Variants in STAT4 observed in about 807,000 individuals in gnomAD.
STAT4 encodes the protein signal transducer and activator of transcription 4.
A neutral mutation model predicts 110.5 loss-of-function variants in STAT4; 42 were observed. The observed-to-expected ratio is 0.38, with a 90% CI of 0.30 to 0.49. The LOEUF (loss-of-function observed/expected upper bound fraction) is 0.49, where lower values mean the gene tolerates loss of function less well. Among genes scored for constraint, STAT4 ranks in the 20% least tolerant of loss-of-function variants. The pLI is 0.95. For missense variants in STAT4, 632 were observed against 887.9 expected (o/e 0.71, Z 3.66); for synonymous variants, 284 against 302.2 (o/e 0.94, Z 0.63).
chr2:191,079,390 A>T (rs1377355080), intron 3 of STAT4, among the ~76,000 whole-genome samples: 2 of 151,944 alleles, frequency 1.3e-5, no homozygotes, highest in Non-Finnish European at 2.9e-5. Flanking sequence ...ATAATCTTAT[A>T]TGTGTTTCAC....
rs3024868 is a variant in STAT4 at position 191,055,012 on chromosome 2, G to A, written c.1207-478C>T. Among the ~76,000 whole-genome samples, 1,298 of 152,000 alleles carry A rather than the reference G, an allele frequency of 8.5e-3. 24 individuals are homozygous for A. Among genetic ancestry groups the A allele is most frequent in the African/African-American group, 0.03 (1,230 of 41,430 alleles). On this transcript the variant is annotated intron_variant, in intron 13 of 23. Coordinates refer to ENST00000392320, the MANE Select transcript of STAT4 (RefSeq NM_003151.4). ...GAAGACTTACTGACACAAAATAAAT[G>A]TGCATTGATGTAGATTACTGAATGA...
intron 3 of STAT4, among the ~76,000 whole-genome samples, chr2:191,095,729 C>A (rs536496368): frequency 3.3e-5 from 5 of 152,110 alleles, no homozygotes; most frequent in African/African-American, 7.2e-5. Flanking sequence ...CAAACAAATT[C>A]AAAAGCTAGC....
chr2:191,050,633 T>C lies in STAT4; in HGVS notation c.1251+3857A>G, dbSNP rs1325681115. On this transcript the variant is annotated intron_variant, in intron 14 of 23. Coordinates refer to ENST00000392320, the MANE Select transcript of STAT4 (RefSeq NM_003151.4). The surrounding 1 kb of genome is among the most constrained non-coding windows in gnomAD (Gnocchi z 4.3). ...TGGTACATATTCTTGAAAGTAAACT[T>C]CCCACCAGAGTTTCCATCTGTAAAT... Among the ~76,000 whole-genome samples the C allele has an allele frequency of 2.0e-5, 3 of 152,252 alleles. No homozygotes were observed. In the East Asian group the frequency reaches 5.8e-4, roughly 29 times the overall value.
intron 5 of STAT4, among the ~76,000 whole-genome samples, chr2:191,070,367 T>G (rs1282008991): frequency 3.3e-5 from 5 of 152,190 alleles, no homozygotes; most frequent in African/African-American, 1.2e-4. Context: ...CTTTTTTATA[T>G]TATCTCCTTT....
At position 191,138,648 on chromosome 2, in the gene STAT4, A is replaced by G. The variant is rs374462058; in HGVS notation, c.273+7965T>C. Reference sequence around the variant, plus strand: ...GCCAACCAAAAAAGTCCAGGACCAGATGGATTCACAGCTGAATTCTATCAG... The same window carrying G: ...GCCAACCAAAAAAGTCCAGGACCAGGTGGATTCACAGCTGAATTCTATCAG... On this transcript the variant is annotated intron_variant, in intron 3 of 23. Coordinates refer to ENST00000392320, the MANE Select transcript of STAT4 (RefSeq NM_003151.4). The surrounding 1 kb of genome is among the most constrained non-coding windows in gnomAD (Gnocchi z 4.3). Among the ~76,000 whole-genome samples the G allele has an allele frequency of 6.6e-6, 1 of 152,184 alleles. No individual in the cohort carries two copies. Among genetic ancestry groups the G allele is most frequent in the East Asian group, 1.9e-4 (1 of 5,194 alleles).
chr2:191,125,549 G>A (rs542434289), intron 3 of STAT4, among the ~76,000 whole-genome samples: 121 of 149,310 alleles, frequency 8.1e-4, no homozygotes, highest in South Asian at 1.7e-3. Context: ...GTGCAGTGGT[G>A]CAATCGTAAC....
At position 191,066,430 on chromosome 2, in the gene STAT4, C is replaced by T. The variant is rs367890072; in HGVS notation, c.630G>A (p.Lys210=). 2 of 1,612,678 alleles carry T rather than the reference C, an allele frequency of 1.2e-6. No individual in the cohort carries two copies. Among genetic ancestry groups the T allele is most frequent in the African/African-American group, 2.7e-5 (2 of 74,878 alleles). ...EMLNSLDFKR[K]EALSKMTQII... ...GCCCAAATTAAAATTCTTCACTAAC[C>T]TTTCTCTTGAAATCGAGGCTGTTAA... is the stretch of plus-strand genomic sequence containing the variant. Residue 210 remains lysine (K), a splice_region_variant and synonymous_variant, in exon 7 of 24, where the codon AAG becomes AAA. Transcript: ENST00000392320. This position sits in a 1 kb window ranked among gnomAD's most constrained non-coding sequence, Gnocchi z 4.3.
At chr2:191,041,029 C>A in intron 15 of STAT4, 36 bp downstream of exon 15, 1 of 1,322,270 alleles carries the variant, frequency 7.6e-7, no homozygotes, top group Non-Finnish European at 9.9e-7. Flanking sequence ...CTTGCAAATG[C>A]CATTAGTAAA....
chr2:191,119,667 T>C (rs1013826187), intron 3 of STAT4, among the ~76,000 whole-genome samples: 8 of 152,340 alleles, frequency 5.3e-5, no homozygotes, highest in Non-Finnish European at 8.8e-5. Flanking sequence ...GTTGAAATTG[T>C]CAAGCTACTA....
intron 5 of STAT4, among the ~76,000 whole-genome samples, chr2:191,071,779 A>G (rs1180384145): frequency 1.3e-5 from 2 of 152,246 alleles, no homozygotes; most frequent in Admixed American, 1.3e-4. Flanking sequence ...TCCTGGAATC[A>G]GGCCCTGGGA....
In STAT4 at chr2:191,059,402, C is replaced by G. The variant is rs1696788938; in HGVS notation, c.1035-633G>C. Among the ~76,000 whole-genome samples the G allele has an allele frequency of 6.6e-6, 1 of 152,326 alleles. No individual in the cohort carries two copies. Among genetic ancestry groups the G allele is most frequent in the South Asian group, 2.1e-4 (1 of 4,830 alleles). On this transcript the variant is annotated intron_variant, in intron 10 of 23. Transcript: ENST00000392320. The surrounding 1 kb of genome is among the most constrained non-coding windows in gnomAD (Gnocchi z 4.7). The stretch of plus-strand genomic sequence containing the variant: ...TCCTTTATTCTTTTGCTTTCTCCAG[C>G]TCCTCAGATTTCTGTCCTGTGATGT...
At position 191,143,967 on chromosome 2, in the gene STAT4, A is replaced by T. The variant is rs1306741102; in HGVS notation, c.273+2646T>A. 6.6e-6 allele frequency among the ~76,000 whole-genome samples: 1 copy of T among 152,246 alleles called. No individual in the cohort carries two copies. The highest frequency in any genetic ancestry group is 6.5e-5 in the Admixed American group (1 of 15,284). ...ACCATAGCTGACAATGATTTTTACT[A>T]CTAGCTTCTGTGTTGTTAATACAAA... On this transcript the variant is annotated intron_variant, in intron 3 of 23. Transcript: ENST00000392320. This position sits in a 1 kb window ranked among gnomAD's most constrained non-coding sequence, Gnocchi z 5.6.
At chr2:191,148,759 A>G (rs1022381477) in intron 1 of STAT4, among the ~76,000 whole-genome samples, 1 of 152,162 alleles carries the variant, frequency 6.6e-6, no homozygotes, top group Non-Finnish European at 1.5e-5. Flanking sequence ...TCTTAGCTTC[A>G]TGAAGAATTT....
In STAT4 at chr2:191,031,879, T is replaced by C. The variant is rs755917647; in HGVS notation, c.2045-363A>G. ...GGGAGATATAATAACCCAGTTCTTTTCATTAAAATTGACACCAATCAGAAT... is the reference window on the plus strand; with the variant it reads ...GGGAGATATAATAACCCAGTTCTTTCCATTAAAATTGACACCAATCAGAAT... On this transcript the variant is annotated intron_variant, in intron 21 of 23. Transcript: ENST00000392320. The surrounding 1 kb of genome is among the most constrained non-coding windows in gnomAD (Gnocchi z 4.8). Among the ~76,000 whole-genome samples the C allele has an allele frequency of 2.7e-4, 41 of 152,218 alleles. No individual in the cohort carries two copies. The highest frequency in any genetic ancestry group is 5.9e-4 in the Admixed American group (9 of 15,284).
chr2:191,071,687 G>A (rs148567921), intron 5 of STAT4, among the ~76,000 whole-genome samples: 28 of 152,308 alleles, frequency 1.8e-4, no homozygotes, highest in Middle Eastern at 3.4e-3. Context: ...CAAATGTTCC[G>A]TAGAGAAACT....
In STAT4 at chr2:191,140,880, A is replaced by G. The variant is rs534181752; in HGVS notation, c.273+5733T>C. Among the ~76,000 whole-genome samples the G allele has an allele frequency of 6.6e-6, 1 of 152,366 alleles. No homozygotes were observed. The highest frequency in any genetic ancestry group is 2.4e-5 in the African/African-American group (1 of 41,586). ...TGAGTAGATAAAGAAAATGTGGTAT[A>G]TATACACTATGGAATACTACTCAGC... On this transcript the variant is annotated intron_variant, in intron 3 of 23. Coordinates refer to ENST00000392320, the MANE Select transcript of STAT4 (RefSeq NM_003151.4). The surrounding 1 kb of genome is among the most constrained non-coding windows in gnomAD (Gnocchi z 4.4).
rs1228834158 is a variant in STAT4 at position 191,091,219 on chromosome 2, G to C, written c.274-14894C>G. On this transcript the variant is annotated intron_variant, in intron 3 of 23. Transcript: ENST00000392320. This position sits in a 1 kb window ranked among gnomAD's most constrained non-coding sequence, Gnocchi z 5.4. ...AAAATTATATTTCTAGAAAAAAAGA[G>C]ACTCATACAAATTCTAGAATGAATA... Among the ~76,000 whole-genome samples the C allele has an allele frequency of 1.3e-5, 2 of 152,076 alleles. No individual in the cohort carries two copies. The highest frequency in any genetic ancestry group is 2.9e-5 in the Non-Finnish European group (2 of 67,994).
chr2:191,052,486 A>T (rs1430232579), intron 14 of STAT4, among the ~76,000 whole-genome samples: 1 of 152,244 alleles, frequency 6.6e-6, no homozygotes, highest in Admixed American at 6.5e-5. Context: ...ATTGAAGGCA[A>T]TATAAGTAGA....
At position 191,148,184 on chromosome 2, in the gene STAT4, A is replaced by G. The variant is rs778760914; in HGVS notation, c.20T>C (p.Val7Ala). The G allele has an allele frequency of 6.2e-7, 1 of 1,613,822 alleles. No individual in the cohort carries two copies. Among genetic ancestry groups the G allele is most frequent in the East Asian group, 2.2e-5 (1 of 44,850 alleles). ...CAAAAACTTGATTTCTAACTGTTGG[A>G]CTTGATTCCACTGAGACATGCTATA... MSQWNQ[V>A]QQLEIKFLEQ... Residue 7 changes from valine (V) to alanine (A), a missense_variant, in exon 2 of 24, where the codon GTC (valine) becomes GCC (alanine). Around this residue, in one of 4 missense-constraint regions of STAT4, gnomAD observed 488 missense variants for 632.8 expected, o/e 0.77. Coordinates refer to ENST00000392320, the MANE Select transcript of STAT4 (RefSeq NM_003151.4).
Sources: allele counts gnomAD v4.1 joint callset (sites outside exome capture counted in the v4.1 genomes callset), GRCh38; gene constraint gnomAD v4.1.1; regional missense constraint gnomAD v4.1.1; non-coding constraint Gnocchi (gnomAD v3.1); transcripts MANE v1.5; gene names NCBI Gene and HGNC (gene_info 2026-07-23, HGNC 2026-07-21).